Variants in ZCCHC7 observed in about 807,000 individuals in gnomAD.
The protein encoded by ZCCHC7 is zinc finger CCHC domain-containing protein 7.
A neutral mutation model predicts 52.0 loss-of-function variants in ZCCHC7; 35 were observed. That is an observed-to-expected ratio of 0.67 (90% CI 0.51 to 0.89). The LOEUF (loss-of-function observed/expected upper bound fraction) is 0.89, where lower values mean the gene tolerates loss of function less well. ZCCHC7 is among the 40% of genes least tolerant of loss of function. ZCCHC7 has a pLI of 0.00. For missense variants in ZCCHC7, 574 were observed against 649.1 expected (o/e 0.88, Z 1.26); for synonymous variants, 217 against 221.5 (o/e 0.98, Z 0.18).
chr9:37,345,070 T>G (rs186892771), intron 6 of ZCCHC7, among the ~76,000 whole-genome samples: 13 of 152,344 alleles, frequency 8.5e-5, no homozygotes, highest in Admixed American at 3.3e-4. Context: ...CAATCTGGCT[T>G]GTACCTCTAC....
At chr9:37,303,265 A>T (rs1192696320) in intron 3 of ZCCHC7, among the ~76,000 whole-genome samples, 2 of 152,054 alleles carry the variant, frequency 1.3e-5, no homozygotes, top group South Asian at 4.2e-4. Context: ...TCTCTACTGA[A>T]AATACAAAAA....
intron 2 of ZCCHC7, among the ~76,000 whole-genome samples, chr9:37,300,846 A>G (rs2133689125): frequency 6.6e-6 from 1 of 152,310 alleles, no homozygotes; most frequent in East Asian, 1.9e-4. Context: ...GACCAAAGGA[A>G]TAGCAGCCAT....
intron 6 of ZCCHC7, among the ~76,000 whole-genome samples, chr9:37,336,431 G>C (rs1830664088): frequency 6.6e-6 from 1 of 152,124 alleles, no homozygotes; most frequent in Non-Finnish European, 1.5e-5. Flanking sequence ...TGCAGCTGTG[G>C]AATTCCCTGC....
intron 3 of ZCCHC7, among the ~76,000 whole-genome samples, chr9:37,303,093 C>T (rs927623466): frequency 2.0e-5 from 3 of 152,118 alleles, no homozygotes; most frequent in African/African-American, 2.4e-5. Flanking sequence ...AGTAGCCCTC[C>T]CATTCAGAAA....
At chr9:37,247,859 C>T (rs1013488610) in intron 2 of ZCCHC7, among the ~76,000 whole-genome samples, 3 of 151,944 alleles carry the variant, frequency 2.0e-5, no homozygotes, top group Non-Finnish European at 4.4e-5. Flanking sequence ...CATGATTGCA[C>T]CACTGTGTTC....
At chr9:37,307,345 C>G (rs1193899067) in intron 5 of ZCCHC7, among the ~76,000 whole-genome samples, 1 of 151,972 alleles carries the variant, frequency 6.6e-6, no homozygotes, top group African/African-American at 2.4e-5. Flanking sequence ...CATTAAGAGT[C>G]TTTCATTTTA....
At chr9:37,305,805 A>T in intron 5 of ZCCHC7, 91 bp downstream of exon 5, 1 of 1,367,720 alleles carries the variant, frequency 7.3e-7, no homozygotes, top group Non-Finnish European at 1.0e-6. Flanking sequence ...ATCAGTCAGC[A>T]TACCTAAAGG....
chr9:37,175,664 C>T (rs938924141), intron 2 of ZCCHC7, among the ~76,000 whole-genome samples: 7 of 152,104 alleles, frequency 4.6e-5, no homozygotes, highest in African/African-American at 1.2e-4. Context: ...ATTAAACCCC[C>T]GAGGAGGCTG....
chr9:37,144,735 G>T (rs576200224), intron 2 of ZCCHC7, among the ~76,000 whole-genome samples: 20 of 151,706 alleles, frequency 1.3e-4, no homozygotes, highest in African/African-American at 4.8e-4. Context: ...GTTCTTTCTT[G>T]TACTTTTGTT....
intron 2 of ZCCHC7, among the ~76,000 whole-genome samples, chr9:37,284,530 C>A (rs1210146915): frequency 6.6e-6 from 1 of 151,704 alleles, no homozygotes; most frequent in African/African-American, 2.4e-5. Flanking sequence ...ATAAAAGTAT[C>A]CTGGTTTTTA....
At chr9:37,135,392 T>C (rs1842955826) in intron 2 of ZCCHC7, among the ~76,000 whole-genome samples, 1 of 152,208 alleles carries the variant, frequency 6.6e-6, no homozygotes, top group Non-Finnish European at 1.5e-5. Context: ...TTTTGAAATA[T>C]TTAGGTTTAG....
intron 2 of ZCCHC7, among the ~76,000 whole-genome samples, chr9:37,202,707 C>T (rs1308165070): frequency 6.6e-6 from 1 of 152,192 alleles, no homozygotes; most frequent in Non-Finnish European, 1.5e-5. Context: ...ATCTTGAACT[C>T]CTGGACTCAA....
chr9:37,286,200 A>G (rs1030620786), intron 2 of ZCCHC7, among the ~76,000 whole-genome samples: 1 of 152,226 alleles, frequency 6.6e-6, no homozygotes, highest in African/African-American at 2.4e-5. Flanking sequence ...GGTTAAGAGC[A>G]TGGTTTGGAT....
At chr9:37,262,239 A>T (rs567908291) in intron 2 of ZCCHC7, among the ~76,000 whole-genome samples, 6 of 151,080 alleles carry the variant, frequency 4.0e-5, no homozygotes, top group African/African-American at 1.5e-4. Context: ...TGGTAAAGAG[A>T]TTTTTTTAGA....
intron 2 of ZCCHC7, among the ~76,000 whole-genome samples, chr9:37,294,205 G>T (rs1828672907): frequency 6.6e-6 from 1 of 152,160 alleles, no homozygotes; most frequent in Non-Finnish European, 1.5e-5. Flanking sequence ...AGCCCTCAGG[G>T]GATTTGAATG....
chr9:37,349,192 T>C (rs1198743683), intron 6 of ZCCHC7, among the ~76,000 whole-genome samples, 165 bp from the exon 7 acceptor site: 3 of 152,264 alleles, frequency 2.0e-5, no homozygotes, highest in Admixed American at 1.3e-4. Flanking sequence ...GAATTGTTCT[T>C]ACCATGTTAT....
At chr9:37,200,273 A>C (rs1217849143) in intron 2 of ZCCHC7, among the ~76,000 whole-genome samples, 1 of 152,092 alleles carries the variant, frequency 6.6e-6, no homozygotes, top group Non-Finnish European at 1.5e-5. Flanking sequence ...TGTATCATTA[A>C]AAAATAAAAA....
intron 2 of ZCCHC7, among the ~76,000 whole-genome samples, chr9:37,151,058 G>C (rs1008239466): frequency 6.7e-6 from 1 of 149,108 alleles, no homozygotes; most frequent in African/African-American, 2.5e-5. Flanking sequence ...TCCGCCTCCC[G>C]GGTTTACGCC....
intron 2 of ZCCHC7, among the ~76,000 whole-genome samples, chr9:37,250,096 C>A (rs1020716797): frequency 6.6e-6 from 1 of 152,282 alleles, no homozygotes; most frequent in East Asian, 1.9e-4. Flanking sequence ...TTAAAAAATT[C>A]TTTCCTCATA....
Sources: gnomAD v4.1 joint callset for allele counts (sites outside exome capture counted in the v4.1 genomes callset) on GRCh38, gnomAD v4.1.1 for gene constraint, MANE v1.5 for transcripts, NCBI Gene and HGNC (gene_info 2026-07-23, HGNC 2026-07-21) for gene names.